Variants in RARB observed in about 807,000 individuals in gnomAD.
RARB encodes the protein HBV-activated protein.
Under a neutral mutation model 51.9 loss-of-function variants are expected in RARB, and 17 were observed. The observed-to-expected ratio is 0.33, with a 90% CI of 0.22 to 0.49. RARB has a LOEUF of 0.49. RARB is among the 20% of genes least tolerant of loss of function. The pLI is 0.99. For missense variants in RARB, 369 were observed against 550.8 expected (o/e 0.67, Z 3.30); for synonymous variants, 215 against 195.4 (o/e 1.10, Z -0.84).
At chr3:25,071,148 C>A (rs536637195) in intron 3 of RARB, among the ~76,000 whole-genome samples, 40 of 152,308 alleles carry the variant, frequency 2.6e-4, no homozygotes, top group Middle Eastern at 3.4e-3. Context: ...AATTTTTCCT[C>A]TTCACTGCTA....
exon 5 of RARB, chr3:25,174,570 C>T (rs1360786585): frequency 5.2e-6 from 7 of 1,352,072 alleles, no homozygotes; most frequent in African/African-American, 1.5e-5. Flanking sequence ...ACCCCGTCGC[C>T]GGCAAGTAAG....
intron 2 of RARB, among the ~76,000 whole-genome samples, chr3:25,058,437 G>A (rs1457054963): frequency 6.6e-6 from 1 of 151,624 alleles, no homozygotes; most frequent in Non-Finnish European, 1.5e-5. Context: ...ACACAGTTCT[G>A]TCCTTTTATC....
chr3:25,326,226 C>T (rs1704712718), intron 5 of RARB, among the ~76,000 whole-genome samples: 1 of 152,166 alleles, frequency 6.6e-6, no homozygotes, highest in South Asian at 2.1e-4. Context: ...GATTGGTATC[C>T]AACTGGACCT....
At chr3:25,456,257 A>G (rs1694897653) in intron 1 of RARB, among the ~76,000 whole-genome samples, 1 of 152,186 alleles carries the variant, frequency 6.6e-6, no homozygotes, top group Non-Finnish European at 1.5e-5. Context: ...ATGGCTGAGC[A>G]CTCTGTATCT....
intron 2 of RARB, among the ~76,000 whole-genome samples, chr3:25,474,620 A>C (rs143760555): frequency 2.4e-4 from 36 of 152,312 alleles, no homozygotes; most frequent in Non-Finnish European, 1.6e-4. Context: ...TCATGATTTC[A>C]TCAAAAACGT....
chr3:25,501,154 G>A, intron 2 of RARB, 28 bp from the exon 3 acceptor site: 1 of 1,559,466 alleles, frequency 6.4e-7, no homozygotes, highest in Non-Finnish European at 8.6e-7. Context: ...GCTTTACTGA[G>A]TTTTTTCATC....
chr3:24,962,228 C>G (rs754925723), intron 2 of RARB, among the ~76,000 whole-genome samples: 54 of 152,070 alleles, frequency 3.6e-4, no homozygotes, highest in Admixed American at 3.5e-3. Context: ...CTCGCCCGGC[C>G]CCTTTGGGTG....
chr3:25,537,111 G>A (rs1699174414), intron 3 of RARB, among the ~76,000 whole-genome samples: 1 of 152,154 alleles, frequency 6.6e-6, no homozygotes, highest in African/African-American at 2.4e-5. Context: ...GGAAGGGGTG[G>A]TTTGGAACTG....
At chr3:25,471,237 T>A (rs886972960) in intron 2 of RARB, among the ~76,000 whole-genome samples, 1 of 152,172 alleles carries the variant, frequency 6.6e-6, no homozygotes, top group Non-Finnish European at 1.5e-5. Flanking sequence ...TTAACCTTCA[T>A]TGCAAAACGT....
chr3:25,061,315 G>A (rs1698544810), intron 3 of RARB, among the ~76,000 whole-genome samples: 2 of 151,740 alleles, frequency 1.3e-5, no homozygotes, highest in Non-Finnish European at 1.5e-5. Flanking sequence ...AGTGTACTGG[G>A]AAGAAATAAG....
chr3:25,339,840 T>C (rs1047314967), intron 5 of RARB, among the ~76,000 whole-genome samples: 1 of 152,162 alleles, frequency 6.6e-6, no homozygotes, highest in African/African-American at 2.4e-5. Flanking sequence ...CTATTCATTT[T>C]CTGGGAAAAG....
chr3:25,581,003 C>T (rs1575538885), intron 5 of RARB, among the ~76,000 whole-genome samples: 1 of 152,254 alleles, frequency 6.6e-6, no homozygotes, highest in South Asian at 2.1e-4. Flanking sequence ...AAGTTTACCC[C>T]AGACCCCCTG....
chr3:24,839,654 C>T (rs1373978310), intron 1 of RARB, among the ~76,000 whole-genome samples: 1 of 132,226 alleles, frequency 7.6e-6, no homozygotes, highest in Non-Finnish European at 1.5e-5. Flanking sequence ...TTGCAGTGAG[C>T]CGAGATGCCA....
chr3:25,135,575 C>A (rs981313493), intron 4 of RARB, among the ~76,000 whole-genome samples: 18 of 151,966 alleles, frequency 1.2e-4, no homozygotes, highest in Non-Finnish European at 2.6e-4. Flanking sequence ...TAGGTTGAGC[C>A]ACTCTGGGAC....
chr3:25,183,544 G>GA (rs1192483293), intron 5 of RARB, among the ~76,000 whole-genome samples: 5 of 152,090 alleles, frequency 3.3e-5, no homozygotes, highest in Admixed American at 1.3e-4. Flanking sequence ...AGATTCTTCA[G>GA]AAAAACCATT....
At position 25,315,396 on chromosome 3, in the gene RARB, C is replaced by A. The variant is rs372444789; in HGVS notation, c.178+140821C>A. Among the ~76,000 whole-genome samples the A allele has an allele frequency of 3.9e-5, 6 of 152,166 alleles. No homozygotes were observed. In the East Asian group the frequency reaches 1.2e-3, roughly 29 times the overall value. ...TATACTTTTTCGAATTGTAGACATA[C>A]GACCATGTACACAGTTTGCTAGCAC... On this transcript the variant is annotated intron_variant, in intron 5 of 11. Transcript: ENST00000383772.
At chr3:25,033,706 G>A (rs993876428) in intron 2 of RARB, among the ~76,000 whole-genome samples, 2 of 152,134 alleles carry the variant, frequency 1.3e-5, no homozygotes, top group African/African-American at 4.8e-5. Context: ...CTGCCTTCCA[G>A]TTCCCAGGCA....
At chr3:24,952,246 GT>G (rs56108055) in intron 2 of RARB, among the ~76,000 whole-genome samples, 1,854 of 150,398 alleles carry the variant, frequency 0.012, 40 homozygotes, top group African/African-American at 0.042. Flanking sequence ...AGTAACATTT[GT>G]TTTTTTTTAG....
At chr3:25,517,949 A>G (rs1698239851) in intron 3 of RARB, among the ~76,000 whole-genome samples, 1 of 152,218 alleles carries the variant, frequency 6.6e-6, no homozygotes, top group Admixed American at 6.5e-5. Flanking sequence ...GGGCAAATCC[A>G]TAGAAACACA....
Sources: gnomAD v4.1 joint callset for allele counts (sites outside exome capture counted in the v4.1 genomes callset) on GRCh38, gnomAD v4.1.1 for gene constraint, MANE v1.5 for transcripts, NCBI Gene and HGNC (gene_info 2026-07-23, HGNC 2026-07-21) for gene names.